GOLGA3: variants seen among roughly 807,000 people sequenced by gnomAD.
GOLGA3 encodes golgin A3, also known as golgin subfamily A member 3.
Under a neutral mutation model 169.4 loss-of-function variants are expected in GOLGA3, and 75 were observed. The ratio of observed to expected loss-of-function variants is 0.44; its 90% CI spans 0.37 to 0.54. The LOEUF (loss-of-function observed/expected upper bound fraction) is 0.54. Ranked by LOEUF, GOLGA3 falls within the 20% of genes least tolerant of loss-of-function variation. The pLI is 0.00. For missense variants in GOLGA3, 1,899 were observed against 1,930.0 expected, an observed-to-expected ratio of 0.98 and a Z score of 0.30; for synonymous variants, 824 against 822.4, an observed-to-expected ratio of 1.00 and a Z score of -0.03.
chr12:132,787,013 G>A (rs958021152), intron 13 of GOLGA3, among the ~76,000 whole-genome samples: 1 of 151,948 alleles, frequency 6.6e-6, no homozygotes, highest in Non-Finnish European at 1.5e-5. Flanking sequence ...GAGTGCAGGG[G>A]CGTGATCTCA....
chr12:132,826,822 A>G (rs1950434176), intron 1 of GOLGA3, among the ~76,000 whole-genome samples: 1 of 151,880 alleles, frequency 6.6e-6, no homozygotes, highest in Admixed American at 6.6e-5. Flanking sequence ...ACCTCAGACT[A>G]CTGACAAAAA....
Position 132,780,781 on chromosome 12 carries a change from CG to C in GOLGA3, c.3582+16del. ...GCGTCCTCTGGAACGCCCTGTGAGA[CG>C]GAAGGTGGCACGCACCTGCTCCTTG... is the stretch of plus-strand genomic sequence containing the variant. On this transcript the variant is annotated intron_variant, in intron 18 of 23. Coordinates refer to ENST00000450791, the MANE Select transcript of GOLGA3 (RefSeq NM_001389683.1). 1 of 1,511,954 alleles carries C rather than the reference CG, an allele frequency of 6.6e-7. No individual in the cohort carries two copies. The highest frequency in any genetic ancestry group is 9.2e-7 in the Non-Finnish European group (1 of 1,091,446). The allele number at this position is 1,511,954 out of a possible 1,614,324, so 93.7% of individuals were successfully genotyped here.
intron 6 of GOLGA3, among the ~76,000 whole-genome samples, chr12:132,806,311 A>G (rs747170761): frequency 3.3e-5 from 5 of 152,244 alleles, no homozygotes; most frequent in African/African-American, 7.2e-5. Flanking sequence ...GTGGCTACAC[A>G]GAGGAGGGGA....
chr12:132,800,248 C>A (rs1406243185), intron 8 of GOLGA3, among the ~76,000 whole-genome samples: 1 of 152,192 alleles, frequency 6.6e-6, no homozygotes, highest in East Asian at 1.9e-4. Flanking sequence ...GTAATCCCAG[C>A]ACTCTGGAAG....
chr12:132,817,140 T>C (rs61952770), intron 2 of GOLGA3, among the ~76,000 whole-genome samples: 49 of 68,766 alleles, frequency 7.1e-4, no homozygotes, highest in East Asian at 2.0e-3. Context: ...CACACTCTAA[T>C]GTGAACCCGC....
At chr12:132,812,227 A>T (rs975439353) in intron 4 of GOLGA3, among the ~76,000 whole-genome samples, 5,185 of 108,794 alleles carry the variant, frequency 0.048, 104 homozygotes, top group Non-Finnish European at 0.065. Flanking sequence ...ATATATATAT[A>T]TATTTTTTTT....
In GOLGA3 at chr12:132,774,338, T is replaced by C. The variant is rs1022300447; in HGVS notation, c.4144-18A>G. On this transcript the variant is annotated intron_variant, in intron 22 of 23. Coordinates refer to ENST00000450791, the MANE Select transcript of GOLGA3 (RefSeq NM_001389683.1). ...TCCTTTCTCTGTTTTTAAAAGCACA[T>C]GATCAGCTTTCCCACCGTCCCCTCC... is the stretch of plus-strand genomic sequence containing the variant. 14 of 1,609,380 alleles carry C rather than the reference T, an allele frequency of 8.7e-6. No individual in the cohort carries two copies. The highest frequency in any genetic ancestry group is 1.3e-5 in the African/African-American group (1 of 75,044).
At chr12:132,822,778 C>A (rs1950269579) in intron 1 of GOLGA3, among the ~76,000 whole-genome samples, 2 of 152,112 alleles carry the variant, frequency 1.3e-5, no homozygotes, top group South Asian at 4.1e-4. Flanking sequence ...AAAAAATAGC[C>A]GGGTGTGGTG....
rs757554046 is a variant in GOLGA3, at chr12:132,816,738, C to T, written c.208G>A (p.Gly70Arg). Residue 70 changes from glycine (G) to arginine (R), a missense_variant, in exon 3 of 24, where the codon GGG (glycine) becomes AGG (arginine). Coordinates refer to ENST00000450791, the MANE Select transcript of GOLGA3 (RefSeq NM_001389683.1). ...GPGQGGLCQNGPTPPFPDPPS... is the reference protein window; with the variant it reads ...GPGQGGLCQNRPTPPFPDPPS... ...GGGTCTGGGAAGGGTGGCGTTGGCC[C>T]GTTCTGACAGAGGCCTCCCTGGCCA... The T allele has an allele frequency of 3.1e-5, 50 of 1,613,712 alleles. No homozygotes were observed. In the East Asian group the frequency reaches 6.2e-4, roughly 20 times the overall value.
chr12:132,779,983 C>T (rs954794003), intron 18 of GOLGA3, among the ~76,000 whole-genome samples: 94 of 130,950 alleles, frequency 7.2e-4, no homozygotes, highest in Non-Finnish European at 1.1e-3. Context: ...GCACAGCCCG[C>T]GTGCACACAC....
At chr12:132,826,542 T>A (rs1194463132) in intron 1 of GOLGA3, among the ~76,000 whole-genome samples, 1 of 150,264 alleles carries the variant, frequency 6.7e-6, no homozygotes, top group Non-Finnish European at 1.5e-5. Context: ...AATCACAGAT[T>A]CTGCTCACTT....
chr12:132,783,739 G>A (rs900242974), intron 16 of GOLGA3: 12 of 320,930 alleles, frequency 3.7e-5, no homozygotes, highest in African/African-American at 1.7e-4. Flanking sequence ...CACCACACCC[G>A]GCTAATTTTT....
chr12:132,829,030 A>G (rs949575706), upstream of GOLGA3, among the ~76,000 whole-genome samples: 11 of 152,216 alleles, frequency 7.2e-5, no homozygotes, highest in South Asian at 2.1e-4. Context: ...TCCGACTGTG[A>G]TGAGGCCGCC....
chr12:132,796,809 C>T (rs1948864676), intron 9 of GOLGA3, 109 bp from the exon 10 acceptor site: 1 of 1,080,574 alleles, frequency 9.3e-7, no homozygotes, highest in Admixed American at 2.0e-5. Context: ...TGGGCCCCAT[C>T]CACCTCCTCA....
intron 1 of GOLGA3, chr12:132,825,652 T>C: frequency 1.3e-6 from 1 of 794,670 alleles, no homozygotes. Context: ...AATGAGGGAG[T>C]CCAGGGAGTT....
At chr12:132,787,556 A>G (rs868253562) in intron 13 of GOLGA3, among the ~76,000 whole-genome samples, 635 of 12,050 alleles carry the variant, frequency 0.053, 21 homozygotes, top group Admixed American at 0.075. Context: ...CAGAGCCCCC[A>G]GGACCCTTCC....
chr12:132,825,163 G>T (rs534563056), intron 1 of GOLGA3, among the ~76,000 whole-genome samples: 1 of 152,330 alleles, frequency 6.6e-6, no homozygotes, highest in African/African-American at 2.4e-5. Context: ...GCCTTGCGGG[G>T]GTGGGGTGAT....
chr12:132,796,367 G>T, intron 10 of GOLGA3, 147 bp from the exon 11 acceptor site: 2 of 1,205,838 alleles, frequency 1.7e-6, no homozygotes, highest in Non-Finnish European at 2.3e-6. Context: ...GAACCAGCAG[G>T]GCAAACACAG....
At chr12:132,825,963 T>C (rs1256971120) in intron 1 of GOLGA3, 1 of 979,328 alleles carries the variant, frequency 1.0e-6, no homozygotes, top group African/African-American at 1.6e-5. Context: ...ACCACTGTCA[T>C]CCGCCGAGAC....
Sources: allele counts gnomAD v4.1 joint callset (sites outside exome capture counted in the v4.1 genomes callset), GRCh38; gene constraint gnomAD v4.1.1; transcripts MANE v1.5; gene names NCBI Gene and HGNC (gene_info 2026-07-23, HGNC 2026-07-21).